The following FAM227A variants were observed in gnomAD, a reference collection of about 807,000 sequenced individuals.
FAM227A encodes the protein family with sequence similarity 227 member A.
A neutral mutation model predicts 74.7 loss-of-function variants in FAM227A; 80 were observed. That is an observed-to-expected ratio of 1.07 (90% CI 0.89 to 1.29). The LOEUF is 1.29. Ranked by LOEUF, FAM227A falls within the 50% of genes most tolerant of loss-of-function variation. The probability of loss-of-function intolerance (pLI) is 0.00; values close to 1 mark genes in which losing one functional copy is unlikely to be tolerated. For synonymous variants in FAM227A, 237 were observed against 241.8 expected (o/e 0.98, Z 0.19); for missense variants, 654 against 683.4 (o/e 0.96, Z 0.48).
chr22:38,598,288 C>A (rs1489047548), intron 14 of FAM227A, among the ~76,000 whole-genome samples: 1 of 152,128 alleles, frequency 6.6e-6, no homozygotes, highest in Non-Finnish European at 1.5e-5. Context: ...ATCCTCATCA[C>A]AACACTGTAA....
In FAM227A at chr22:38,585,164, A is replaced by G. The variant is rs1355889867; in HGVS notation, c.*961T>C. ...CCTGACTTTTGCTATGGTAGGAATGAACTTTACTATTCCTTGTCTCATGAA... is the reference window on the plus strand; with the variant it reads ...CCTGACTTTTGCTATGGTAGGAATGGACTTTACTATTCCTTGTCTCATGAA... On this transcript the variant is annotated 3_prime_UTR_variant, in exon 17 of 17. Coordinates refer to ENST00000535113, the MANE Select transcript of FAM227A (RefSeq NM_001013647.2). 2 of 152,178 alleles carry G rather than the reference A, an allele frequency of 1.3e-5. No individual in the cohort carries two copies. Among genetic ancestry groups the G allele is most frequent in the Non-Finnish European group, 2.9e-5 (2 of 68,042 alleles). The allele number at this position is 152,178 out of a possible 1,614,324, so 9.4% of individuals were successfully genotyped here.
At chr22:38,654,775 CAAAA>C (rs34383650) in intron 1 of FAM227A, among the ~76,000 whole-genome samples, 1 of 84,948 alleles carries the variant, frequency 1.2e-5, no homozygotes, top group Non-Finnish European at 2.3e-5. Context: ...CTAAAAATAC[CAAAA>C]AAAAAAAAAA....
In FAM227A at chr22:38,650,010, C is replaced by T. The variant is rs1158561520; in HGVS notation, c.142+17G>A. ...GTGTATTTGGTCTGATTGTAGGTGACATCACCAGAAGGATACAGGGTGGAT... is the reference window on the plus strand; with the variant it reads ...GTGTATTTGGTCTGATTGTAGGTGATATCACCAGAAGGATACAGGGTGGAT... On this transcript the variant is annotated intron_variant, in intron 2 of 16. Transcript: ENST00000535113. 8 of 1,551,568 alleles carry T rather than the reference C, an allele frequency of 5.2e-6. No individual in the cohort carries two copies. In the African/African-American group the frequency reaches 9.6e-5, roughly 19 times the overall value.
At chr22:38,634,637 T>C (rs1318975801) in intron 6 of FAM227A, among the ~76,000 whole-genome samples, 2 of 152,190 alleles carry the variant, frequency 1.3e-5, no homozygotes, top group Non-Finnish European at 2.9e-5. Flanking sequence ...CTTGCTATTG[T>C]AACGAACACT....
intron 11 of FAM227A, among the ~76,000 whole-genome samples, chr22:38,613,095 TTA>T (rs1279148444): frequency 2.2e-5 from 2 of 91,558 alleles, no homozygotes; most frequent in Admixed American, 2.2e-4. Flanking sequence ...TATATATATA[TTA>T]TATATAATTA....
At chr22:38,616,354 G>C (rs2091575872) in intron 11 of FAM227A, among the ~76,000 whole-genome samples, 1 of 152,142 alleles carries the variant, frequency 6.6e-6, no homozygotes, top group Non-Finnish European at 1.5e-5. Flanking sequence ...GCAGAGATGG[G>C]GGTACAGAGG....
intron 16 of FAM227A, among the ~76,000 whole-genome samples, chr22:38,588,911 G>C (rs1258004777): frequency 2.1e-5 from 3 of 140,774 alleles, no homozygotes; most frequent in South Asian, 4.4e-4. Context: ...CTGGGCGATA[G>C]AGCAAGACTC....
intron 2 of FAM227A, 154 bp downstream of exon 2, chr22:38,649,873 A>C: frequency 2.8e-6 from 2 of 725,832 alleles, no homozygotes; most frequent in South Asian, 4.4e-5. Context: ...ATCTCAAAAA[A>C]AAAAAAGAAA....
chr22:38,651,774 C>T (rs948086563), intron 1 of FAM227A, among the ~76,000 whole-genome samples: 20 of 147,688 alleles, frequency 1.4e-4, no homozygotes, highest in African/African-American at 4.1e-4. Flanking sequence ...CCTTAAATAT[C>T]TACCCTGTGG....
In FAM227A at chr22:38,628,458, T is replaced by C. The variant is rs2091853922; in HGVS notation, c.622-116A>G. ...TTCCAAGAATCTTATTCTCAAGATA[T>C]TTAGCCTCATATGCTTTATGAAATA... On this transcript the variant is annotated intron_variant, in intron 7 of 16. Transcript: ENST00000535113. The C allele has an allele frequency of 4.3e-6, 3 of 700,778 alleles. No homozygotes were observed. In the South Asian group the frequency reaches 5.3e-5, roughly 12 times the overall value. 43.4% of individuals were successfully genotyped at this position (700,778 alleles called of 1,614,324 possible). A position where few individuals can be genotyped will look rare whatever the true frequency, so the allele number is the denominator to read the frequency against.
At chr22:38,633,944 TGTG>T (rs1355704180) in intron 6 of FAM227A, among the ~76,000 whole-genome samples, 1 of 151,954 alleles carries the variant, frequency 6.6e-6, no homozygotes, top group Non-Finnish European at 1.5e-5. Flanking sequence ...ATTGGCCAGG[TGTG>T]GTGGCTCACA....
At chr22:38,610,828 G>A (rs1173742129) in intron 11 of FAM227A, among the ~76,000 whole-genome samples, 1 of 152,214 alleles carries the variant, frequency 6.6e-6, no homozygotes, top group Middle Eastern at 3.2e-3. Context: ...TTGGGAGGCT[G>A]GGGAGGGCCA....
chr22:38,630,651 C>T (rs1427413580), intron 6 of FAM227A, among the ~76,000 whole-genome samples: 4 of 152,302 alleles, frequency 2.6e-5, no homozygotes, highest in Admixed American at 6.5e-5. Context: ...ACTCCTCCCA[C>T]CTTTCAAAAA....
Position 38,582,454 on chromosome 22 carries a change from C to A in FAM227A, c.*3671G>T. 3 of 1,535,538 alleles carry A rather than the reference C, an allele frequency of 2.0e-6. No homozygotes were observed. The South Asian group carries it at 3.6e-5, about 18-fold the overall frequency. ...ACAATTACTCATTTGCTTTATCCCA[C>A]ATTACAGCAAATGCTTTTTAAATGT... is the stretch of plus-strand genomic sequence containing the variant. On this transcript the variant is annotated 3_prime_UTR_variant, in exon 17 of 17. Coordinates refer to ENST00000535113, the MANE Select transcript of FAM227A (RefSeq NM_001013647.2).
Position 38,584,124 on chromosome 22 carries a change from T to C in FAM227A, c.*2001A>G, listed in dbSNP as rs947178537. ...TCATCTGCCTTGGTTTTTCTCAGAT[T>C]CCACGCAGCTTTCTATCGGAGCATT... On this transcript the variant is annotated 3_prime_UTR_variant, in exon 17 of 17. Coordinates refer to ENST00000535113, the MANE Select transcript of FAM227A (RefSeq NM_001013647.2). 6 of 152,284 alleles carry C rather than the reference T, an allele frequency of 3.9e-5. No individual in the cohort carries two copies. The highest frequency in any genetic ancestry group is 6.5e-5 in the Admixed American group (1 of 15,284). 9.4% of individuals were successfully genotyped at this position (152,284 alleles called of 1,614,324 possible). A position where few individuals can be genotyped will look rare whatever the true frequency, so the allele number is the denominator to read the frequency against.
At chr22:38,631,548 G>GT (rs577705236) in intron 6 of FAM227A, among the ~76,000 whole-genome samples, 218 of 152,256 alleles carry the variant, frequency 1.4e-3, no homozygotes, top group South Asian at 0.012. Context: ...AAAATATGAT[G>GT]TAAGAAAATA....
chr22:38,612,740 C>T (rs1174691795), intron 11 of FAM227A, among the ~76,000 whole-genome samples: 1 of 151,966 alleles, frequency 6.6e-6, no homozygotes, highest in Non-Finnish European at 1.5e-5. Flanking sequence ...ACAGGAGCAA[C>T]TGGTTTTTCA....
chr22:38,645,928 C>T (rs945742785), intron 2 of FAM227A, among the ~76,000 whole-genome samples: 16 of 151,944 alleles, frequency 1.1e-4, no homozygotes, highest in South Asian at 6.2e-4. Context: ...GGACTACTGG[C>T]GCACACCACC....
At chr22:38,619,487 C>A (rs574979445) in intron 11 of FAM227A, among the ~76,000 whole-genome samples, 2 of 152,106 alleles carry the variant, frequency 1.3e-5, no homozygotes, top group African/African-American at 4.8e-5. Context: ...CCAAGCCTGG[C>A]TAATTTTTGT....
Sources: gnomAD v4.1 joint callset for allele counts (sites outside exome capture counted in the v4.1 genomes callset) on GRCh38, gnomAD v4.1.1 for gene constraint, MANE v1.5 for transcripts, NCBI Gene and HGNC (gene_info 2026-07-23, HGNC 2026-07-21) for gene names.